The following WDR33 variants were observed in gnomAD, a reference collection of about 807,000 sequenced individuals.
WDR33 encodes pre-mRNA 3' end processing protein WDR33.
WDR33 carries 47 observed loss-of-function variants against 164.9 expected under a neutral mutation model. The observed-to-expected ratio is 0.29, with a 90% CI of 0.23 to 0.36. The LOEUF (loss-of-function observed/expected upper bound fraction) is 0.36. WDR33 is among the 10% of genes least tolerant of loss of function. The pLI is 1.00. For missense variants in WDR33, 1,137 were observed against 1,754.1 expected (o/e 0.65, Z 6.28); for synonymous variants, 505 against 589.0 (o/e 0.86, Z 2.06).
chr2:127,748,366 G>A (rs1687224963), intron 7 of WDR33, among the ~76,000 whole-genome samples: 1 of 152,206 alleles, frequency 6.6e-6, no homozygotes, highest in South Asian at 2.1e-4. Context: ...ATTCACACTT[G>A]TAAATACTAA....
At chr2:127,795,657 T>TA (rs113988239) in intron 1 of WDR33, among the ~76,000 whole-genome samples, 1,522 of 130,492 alleles carry the variant, frequency 0.012, 11 homozygotes, top group Non-Finnish European at 0.015. Flanking sequence ...CTCCTTTCTA[T>TA]AAAAAAAAAA....
Position 127,726,818 on chromosome 2 carries a change from T to G in WDR33, c.725-41A>C. On this transcript the variant is annotated intron_variant, in intron 7 of 21. Transcript: ENST00000322313. This position sits in a 1 kb window ranked among gnomAD's most constrained non-coding sequence, Gnocchi z 4.8. ...TAGGATTAAAACCTAATTAGTTACATGCATTTAAAGCAATTTAAACCAAAG... is the reference window on the plus strand; with the variant it reads ...TAGGATTAAAACCTAATTAGTTACAGGCATTTAAAGCAATTTAAACCAAAG... 1 of 1,610,780 alleles carries G rather than the reference T, an allele frequency of 6.2e-7. No individual in the cohort carries two copies. Among genetic ancestry groups the G allele is most frequent in the East Asian group, 2.2e-5 (1 of 44,846 alleles).
chr2:127,799,359 C>G (rs112145232), intron 1 of WDR33, among the ~76,000 whole-genome samples: 8 of 152,204 alleles, frequency 5.3e-5, no homozygotes, highest in African/African-American at 1.9e-4. Flanking sequence ...AACAAATCCA[C>G]AAAAAGGGTA....
chr2:127,775,096 C>A (rs1035347214), intron 1 of WDR33, among the ~76,000 whole-genome samples: 24 of 152,162 alleles, frequency 1.6e-4, no homozygotes, highest in Admixed American at 1.6e-3. Context: ...TACCAAATCC[C>A]ACTGAATTAT....
At chr2:127,798,833 G>C (rs955160915) in intron 1 of WDR33, 1 of 150,842 alleles carries the variant, frequency 6.6e-6, no homozygotes, top group African/African-American at 2.4e-5. Flanking sequence ...CCTCTACTAA[G>C]TAAAATTTAA....
chr2:127,783,749 C>A (rs1021022484), intron 1 of WDR33, among the ~76,000 whole-genome samples: 20 of 151,686 alleles, frequency 1.3e-4, no homozygotes, highest in Non-Finnish European at 2.4e-4. Flanking sequence ...AGATTACAGG[C>A]GTGCACCACC....
At chr2:127,790,228 T>C (rs556095295) in intron 1 of WDR33, among the ~76,000 whole-genome samples, 94 of 152,376 alleles carry the variant, frequency 6.2e-4, no homozygotes, top group African/African-American at 2.1e-3. Context: ...AGTCTACTAA[T>C]AGACTAAATT....
intron 7 of WDR33, among the ~76,000 whole-genome samples, chr2:127,734,866 A>C (rs565405829): frequency 2.1e-4 from 32 of 152,376 alleles, no homozygotes; most frequent in Admixed American, 2.0e-3. Context: ...CCCCCTTTTA[A>C]AATATGCTAT....
chr2:127,791,871 T>C (rs745547547), intron 1 of WDR33, among the ~76,000 whole-genome samples: 4 of 152,328 alleles, frequency 2.6e-5, no homozygotes, highest in African/African-American at 4.8e-5. Context: ...AGCTAGTAGT[T>C]TTATCCATTA....
chr2:127,714,116 T>G lies in WDR33; in HGVS notation c.2870-95A>C. 1.6e-6 allele frequency: 2 copies of G among 1,275,476 alleles called. No individual in the cohort carries two copies. The highest frequency in any genetic ancestry group is 2.1e-6 in the Non-Finnish European group (2 of 969,890). 79.0% of individuals were successfully genotyped at this position (1,275,476 alleles called of 1,614,324 possible). ...ATCTCTACATTTCAGAATACATTCT[T>G]TATTGAGAATGTTTTCCCTCCTTGG... On this transcript the variant is annotated intron_variant, in intron 17 of 21. Coordinates refer to ENST00000322313, the MANE Select transcript of WDR33 (RefSeq NM_018383.5). The surrounding 1 kb of genome is among the most constrained non-coding windows in gnomAD (Gnocchi z 4.3).
intron 3 of WDR33, among the ~76,000 whole-genome samples, 183 bp from the exon 4 acceptor site, chr2:127,768,476 C>T (rs1334974511): frequency 6.6e-6 from 1 of 152,086 alleles, no homozygotes; most frequent in African/African-American, 2.4e-5. Flanking sequence ...AAGTGAGATA[C>T]AGGAAAGTTA....
chr2:127,719,781 T>TC lies in WDR33; in HGVS notation c.2243dup (p.Met749AsnfsTer164). ...CATGAGGATGAGGAGGCCCTTGCATTCCTCTGGGACCAGGTGGTCCCTGCA... is the reference window on the plus strand; with the variant it reads ...CATGAGGATGAGGAGGCCCTTGCATTCCCTCTGGGACCAGGTGGTCCCTGCA... On this transcript the variant is annotated frameshift_variant, in exon 16 of 22. Transcript: ENST00000322313. LOFTEE classifies it high-confidence loss of function. This position sits in a 1 kb window ranked among gnomAD's most constrained non-coding sequence, Gnocchi z 6.5. 6.2e-7 allele frequency: 1 copy of TC among 1,613,784 alleles called. No individual in the cohort carries two copies. The highest frequency in any genetic ancestry group is 8.5e-7 in the Non-Finnish European group (1 of 1,179,972).
chr2:127,730,362 T>A (rs896230873), intron 7 of WDR33, among the ~76,000 whole-genome samples: 2 of 151,960 alleles, frequency 1.3e-5, no homozygotes, highest in East Asian at 1.9e-4. Flanking sequence ...GTGAAAAAAA[T>A]TTTTCAAATG....
intron 1 of WDR33, among the ~76,000 whole-genome samples, chr2:127,799,418 C>G (rs1196391505): frequency 1.3e-5 from 2 of 152,076 alleles, no homozygotes; most frequent in African/African-American, 4.8e-5. Flanking sequence ...CCAGAATACA[C>G]GAAGAACTCT....
rs563620704 is a variant in WDR33 at position 127,720,547 on chromosome 2, T to C, written c.1672-194A>G. Reference sequence around the variant, plus strand: ...GAGTTTTAGGTTCTTTCTCATTCTTTTTAAGTCCTGGGACACAGTAGTAAG... The same window carrying C: ...GAGTTTTAGGTTCTTTCTCATTCTTCTTAAGTCCTGGGACACAGTAGTAAG... On this transcript the variant is annotated intron_variant, in intron 15 of 21. Transcript: ENST00000322313. This position sits in a 1 kb window ranked among gnomAD's most constrained non-coding sequence, Gnocchi z 5.9. Among the ~76,000 whole-genome samples, 3 of 152,042 alleles carry C rather than the reference T, an allele frequency of 2.0e-5. No homozygotes were observed. The highest frequency in any genetic ancestry group is 6.6e-5 in the Admixed American group (1 of 15,194).
At chr2:127,711,751 G>GATAT (rs754454193) in intron 18 of WDR33, among the ~76,000 whole-genome samples, 1,362 of 71,552 alleles carry the variant, frequency 0.019, 47 homozygotes, top group Admixed American at 0.065. Flanking sequence ...CACATATACA[G>GATAT]ATATATATAT....
At chr2:127,752,024 T>G (rs1220520330) in intron 7 of WDR33, among the ~76,000 whole-genome samples, 1 of 151,950 alleles carries the variant, frequency 6.6e-6, no homozygotes, top group African/African-American at 2.4e-5. Context: ...ACAAGGAGAG[T>G]CCAAACAAGA....
Position 127,735,185 on chromosome 2 carries a change from A to G in WDR33, c.725-8408T>C, listed in dbSNP as rs147046262. On this transcript the variant is annotated intron_variant, in intron 7 of 21. Transcript: ENST00000322313. The surrounding 1 kb of genome is among the most constrained non-coding windows in gnomAD (Gnocchi z 4.3). ...GGTCTGCTTTTTGACTATTCCCTTA[A>G]AGGAGGAGGTTCCCTGGCTTCTGTG... Among the ~76,000 whole-genome samples, 861 of 152,242 alleles carry G rather than the reference A, an allele frequency of 5.7e-3. 14 individuals are homozygous for G. The highest frequency in any genetic ancestry group is 0.019 in the African/African-American group (804 of 41,508).
chr2:127,713,947 C>G lies in WDR33; in HGVS notation c.2944G>C (p.Glu982Gln), dbSNP rs1266254186. 6.3e-7 allele frequency: 1 copy of G among 1,592,666 alleles called. No individual in the cohort carries two copies. Among genetic ancestry groups the G allele is most frequent in the Non-Finnish European group, 8.5e-7 (1 of 1,169,628 alleles). Residue 982 changes from glutamate (E) to glutamine (Q), a missense_variant, in exon 18 of 22, where the codon GAG (glutamate) becomes CAG (glutamine). Glu to Gln is a conservative substitution (Grantham distance 29). Coordinates refer to ENST00000322313, the MANE Select transcript of WDR33 (RefSeq NM_018383.5). This position sits in a 1 kb window ranked among gnomAD's most constrained non-coding sequence, Gnocchi z 6.2. The stretch of plus-strand genomic sequence containing the variant: ...AAAGGCCCCCTCTCGGGCCCATGCT[C>G]AGGCCCGCCGCTCTGCTCATGCCGC... The part of the protein sequence containing the change: ...ERRHEQSGGP[E>Q]HGPERGPFRG...
Sources: allele counts gnomAD v4.1 joint callset (sites outside exome capture counted in the v4.1 genomes callset), GRCh38; gene constraint gnomAD v4.1.1; non-coding constraint Gnocchi (gnomAD v3.1); transcripts MANE v1.5; gene names NCBI Gene and HGNC (gene_info 2026-07-23, HGNC 2026-07-21).